SLCO4C1: variants seen among roughly 807,000 people sequenced by gnomAD.
SLCO4C1 encodes organic anion transporter M1.
In SLCO4C1, 58 loss-of-function variants were observed where a neutral mutation model predicts 72.1. That is an observed-to-expected ratio of 0.80 (90% CI 0.65 to 1.00). The LOEUF (loss-of-function observed/expected upper bound fraction) is 1.00, where lower values mean the gene tolerates loss of function less well. Ranked by LOEUF, SLCO4C1 falls within the 50% of genes least tolerant of loss-of-function variation. SLCO4C1 has a pLI of 0.00. For synonymous variants in SLCO4C1, 297 were observed against 312.5 expected (o/e 0.95, Z 0.52); for missense variants, 898 against 857.9 (o/e 1.05, Z -0.58).
chr5:102,245,409 A>G (rs1748619125), intron 10 of SLCO4C1, among the ~76,000 whole-genome samples: 1 of 152,182 alleles, frequency 6.6e-6, no homozygotes, highest in Non-Finnish European at 1.5e-5. Flanking sequence ...CCTAGAAAAA[A>G]TAGATTTCAA....
At chr5:102,275,690 A>G (rs1370234766) in intron 2 of SLCO4C1, among the ~76,000 whole-genome samples, 4 of 152,216 alleles carry the variant, frequency 2.6e-5, no homozygotes, top group Non-Finnish European at 5.9e-5. Flanking sequence ...TGCACAGGCA[A>G]ACAAAGGCTT....
At chr5:102,237,884 A>G (rs1401396917) in intron 12 of SLCO4C1, among the ~76,000 whole-genome samples, 1 of 151,998 alleles carries the variant, frequency 6.6e-6, no homozygotes, top group South Asian at 2.1e-4. Context: ...ACAAACTTTG[A>G]TTTATTTCCA....
In SLCO4C1 at chr5:102,236,997, G is replaced by A. The variant is rs369013435; in HGVS notation, c.2036C>T (p.Thr679Ile). Residue 679 changes from threonine (T) to isoleucine (I), a missense_variant, in exon 13 of 13, where the codon ACC (threonine) becomes ATC (isoleucine). Physicochemically the swap from Thr to Ile is moderately conservative, Grantham distance 89 (BLOSUM62 -1). Transcript: ENST00000310954. ...VAISVTCKVI[T>I]MFFNGFAIFL... is the part of the protein sequence containing the mutation. ...GATTGCAAATCCATTGAAGAACATG[G>A]TGATAACTTTACAAGTAACACCTAA... The A allele has an allele frequency of 6.2e-7, 1 of 1,605,564 alleles. No homozygotes were observed. Among genetic ancestry groups the A allele is most frequent in the Admixed American group, 1.7e-5 (1 of 58,880 alleles).
At chr5:102,282,142 G>A (rs1276796327) in intron 2 of SLCO4C1, among the ~76,000 whole-genome samples, 1 of 151,954 alleles carries the variant, frequency 6.6e-6, no homozygotes, top group Non-Finnish European at 1.5e-5. Context: ...ACTAAAAAAA[G>A]TCAATTCCAA....
intron 2 of SLCO4C1, among the ~76,000 whole-genome samples, chr5:102,290,942 G>A (rs1327854954): frequency 6.6e-6 from 1 of 152,250 alleles, no homozygotes; most frequent in East Asian, 1.9e-4. Flanking sequence ...TTTTCTAAAT[G>A]TCACCTCTCT....
chr5:102,265,324 A>T (rs1749016960), intron 3 of SLCO4C1, among the ~76,000 whole-genome samples: 1 of 152,098 alleles, frequency 6.6e-6, no homozygotes, highest in African/African-American at 2.4e-5. Flanking sequence ...TTAGCTTGAT[A>T]TAGCCCCATT....
chr5:102,272,035 G>A (rs145867248), intron 2 of SLCO4C1, among the ~76,000 whole-genome samples: 5 of 152,206 alleles, frequency 3.3e-5, no homozygotes, highest in African/African-American at 1.2e-4. Flanking sequence ...CAGACAATTA[G>A]CTAACTTGAG....
chr5:102,259,412 G>T (rs1408469952), intron 6 of SLCO4C1, among the ~76,000 whole-genome samples: 1 of 152,062 alleles, frequency 6.6e-6, no homozygotes, highest in Non-Finnish European at 1.5e-5. Context: ...AACAGTAGTT[G>T]CAATTAAAGC....
chr5:102,286,550 A>T (rs967716328), intron 2 of SLCO4C1, among the ~76,000 whole-genome samples: 1 of 152,144 alleles, frequency 6.6e-6, no homozygotes, highest in Admixed American at 6.5e-5. Context: ...ATGAATGTCA[A>T]ATATGACTTA....
chr5:102,291,692 T>C (rs1749555730), intron 1 of SLCO4C1, 86 bp from the exon 2 acceptor site: 1 of 1,195,016 alleles, frequency 8.4e-7, no homozygotes, highest in Non-Finnish European at 1.1e-6. Flanking sequence ...GTTTGATTAT[T>C]CATTTCTTTT....
chr5:102,238,596 T>A (rs1308939930), intron 12 of SLCO4C1, among the ~76,000 whole-genome samples: 1 of 152,192 alleles, frequency 6.6e-6, no homozygotes, highest in African/African-American at 2.4e-5. Context: ...ATTAGATACA[T>A]ATGTATACAT....
chr5:102,259,881 C>A (rs1748903069), intron 6 of SLCO4C1, among the ~76,000 whole-genome samples: 5 of 152,022 alleles, frequency 3.3e-5, no homozygotes, highest in African/African-American at 1.2e-4. Flanking sequence ...CTCTTTCAAC[C>A]ATTCTACCCT....
intron 2 of SLCO4C1, among the ~76,000 whole-genome samples, chr5:102,290,092 T>C (rs1222324817): frequency 1.3e-5 from 2 of 152,224 alleles, no homozygotes; most frequent in African/African-American, 4.8e-5. Context: ...AAGAACATAC[T>C]GCCAGCACCT....
chr5:102,289,327 T>C (rs1001618032), intron 2 of SLCO4C1, among the ~76,000 whole-genome samples: 1 of 152,206 alleles, frequency 6.6e-6, no homozygotes, highest in Non-Finnish European at 1.5e-5. Context: ...TCACAATGGC[T>C]ATAACTCCAG....
intron 8 of SLCO4C1, among the ~76,000 whole-genome samples, chr5:102,255,122 CAT>C (rs1396613996): frequency 3.4e-5 from 5 of 149,082 alleles, no homozygotes; most frequent in African/African-American, 1.2e-4. Context: ...TGAGTAAAAA[CAT>C]ATACGTTTAG....
At position 102,295,980 on chromosome 5, in the gene SLCO4C1, G is replaced by C; in HGVS notation, c.283C>G (p.Pro95Ala). 6.2e-7 allele frequency: 1 copy of C among 1,614,254 alleles called. No homozygotes were observed. The change falls in exon 1 of 13, where the codon CCT (proline) becomes GCT (alanine). Residue 95 changes from proline to alanine, a missense_variant. Coordinates refer to ENST00000310954, the MANE Select transcript of SLCO4C1 (RefSeq NM_180991.5). ...EGSYGWRNFH[P>A]QCLQRCNTPG... ...GTGTTGCAGCGCTGGAGACATTGAG[G>C]ATGGAAGTTCCTCCAGCCGTAAGAC...
Position 102,270,674 on chromosome 5 carries a change from G to C in SLCO4C1, c.752C>G (p.Thr251Arg), listed in dbSNP as rs1478326957. The change falls in exon 3 of 13, where the codon ACA becomes AGA. Residue 251 changes from threonine (T) to arginine (R), a missense_variant. Coordinates refer to ENST00000310954, the MANE Select transcript of SLCO4C1 (RefSeq NM_180991.5). ...GGGCACAGAATCATCAAGAAAGGCT[G>C]TTCCCAGAGTATAAAGAGGAGTTCC... ...AGGTPLYTLG[T>R]AFLDDSVPTH... 8.7e-6 allele frequency: 14 copies of C among 1,612,944 alleles called. No homozygotes were observed. The highest frequency in any genetic ancestry group is 1.2e-5 in the Non-Finnish European group (14 of 1,179,434).
intron 3 of SLCO4C1, among the ~76,000 whole-genome samples, chr5:102,265,483 G>C (rs777690369): frequency 6.6e-6 from 1 of 152,020 alleles, no homozygotes. Context: ...TCCATTTTGA[G>C]TTGATTTTTG....
At position 102,236,976 on chromosome 5, in the gene SLCO4C1, G is replaced by T. The variant is rs1748448472; in HGVS notation, c.2057C>A (p.Ala686Glu). The T allele has an allele frequency of 1.2e-6, 2 of 1,610,430 alleles. No individual in the cohort carries two copies. The highest frequency in any genetic ancestry group is 8.5e-7 in the Non-Finnish European group (1 of 1,179,208). ...TGGAGGTGGTTTATACAAAAAGATT[G>T]CAAATCCATTGAAGAACATGGTGAT... Reference protein sequence around the residue: ...KVITMFFNGFAIFLYKPPPSA... With the variant: ...KVITMFFNGFEIFLYKPPPSA... The change falls in exon 13 of 13, where the codon GCA becomes GAA. Residue 686 changes from alanine (A) to glutamate (E), a missense_variant. By Grantham distance (107) the Ala-to-Glu change is moderately radical. Transcript: ENST00000310954.
Sources: allele counts gnomAD v4.1 joint callset (sites outside exome capture counted in the v4.1 genomes callset), GRCh38; gene constraint gnomAD v4.1.1; transcripts MANE v1.5; gene names NCBI Gene and HGNC (gene_info 2026-07-23, HGNC 2026-07-21).